The following PIGK variants were observed in gnomAD, a reference collection of about 807,000 sequenced individuals.
PIGK encodes phosphatidylinositol glycan anchor biosynthesis class K.
A neutral mutation model predicts 50.6 loss-of-function variants in PIGK; 42 were observed. The observed-to-expected ratio is 0.83, with a 90% CI of 0.65 to 1.07. PIGK has a LOEUF of 1.07. Ranked by LOEUF, PIGK falls within the 50% of genes least tolerant of loss-of-function variation. The pLI is 0.00. For synonymous variants in PIGK, 151 were observed against 156.0 expected (o/e 0.97, Z 0.24); for missense variants, 448 against 488.7 (o/e 0.92, Z 0.78).
intron 10 of PIGK, among the ~76,000 whole-genome samples, chr1:77,108,813 C>T (rs769036924): frequency 1.3e-5 from 2 of 152,212 alleles, no homozygotes; most frequent in East Asian, 1.9e-4. Flanking sequence ...TTTCTCTAAA[C>T]GTCTCTTCTC....
In PIGK at chr1:77,219,420, T is replaced by C. The variant is rs965993817; in HGVS notation, c.-18A>G. On this transcript the variant is annotated 5_prime_UTR_variant, in exon 1 of 11. Transcript: ENST00000370812. ...ACGGCCATGTTTACCGGCTTCAGACTTCCCGCACCTGAAGGGGCGGAGGCA... is the reference window on the plus strand; with the variant it reads ...ACGGCCATGTTTACCGGCTTCAGACCTCCCGCACCTGAAGGGGCGGAGGCA... The C allele has an allele frequency of 6.2e-7, 1 of 1,606,892 alleles. No individual in the cohort carries two copies. Among genetic ancestry groups the C allele is most frequent in the African/African-American group, 1.3e-5 (1 of 74,728 alleles).
rs192151393 is a variant in PIGK, at chr1:77,117,646, G to A, written c.1071+4629C>T. The stretch of plus-strand genomic sequence containing the variant: ...GTTCTTATAGGGCTCCTGTGTGATG[G>A]AAGTTAGGGCTCAGCTTTTCCACTC... On this transcript the variant is annotated intron_variant, in intron 10 of 10. Coordinates refer to ENST00000370812, the MANE Select transcript of PIGK (RefSeq NM_005482.3). Among the ~76,000 whole-genome samples, 911 of 152,284 alleles carry A rather than the reference G, an allele frequency of 6.0e-3. 12 individuals carry two copies. Among genetic ancestry groups the A allele is most frequent in the Non-Finnish European group, 9.0e-3 (615 of 68,010 alleles).
intron 3 of PIGK, among the ~76,000 whole-genome samples, chr1:77,180,251 A>G (rs1209513788): frequency 6.6e-6 from 1 of 152,184 alleles, no homozygotes; most frequent in Non-Finnish European, 1.5e-5. Context: ...AACACAGCAT[A>G]CATAATATGA....
intron 9 of PIGK, among the ~76,000 whole-genome samples, chr1:77,123,845 T>A (rs1329936899): frequency 6.6e-6 from 1 of 152,092 alleles, no homozygotes; most frequent in Non-Finnish European, 1.5e-5. Context: ...ACTCCAAAAT[T>A]CACATTTTGA....
intron 1 of PIGK, among the ~76,000 whole-genome samples, chr1:77,218,736 G>GAGC (rs560278956): frequency 3.2e-4 from 49 of 152,080 alleles, no homozygotes; most frequent in Non-Finnish European, 5.7e-4. Context: ...AAGCATTATA[G>GAGC]AGCACCAGAA....
At chr1:77,163,557 C>T (rs1655172777) in intron 6 of PIGK, among the ~76,000 whole-genome samples, 1 of 151,964 alleles carries the variant, frequency 6.6e-6, no homozygotes, top group East Asian at 1.9e-4. Context: ...TTCATAATCT[C>T]CATAATAATA....
chr1:77,178,094 T>C (rs1028947864), intron 3 of PIGK, among the ~76,000 whole-genome samples: 1 of 152,220 alleles, frequency 6.6e-6, no homozygotes, highest in African/African-American at 2.4e-5. Flanking sequence ...GTGTGCACTT[T>C]GGGTATACTT....
chr1:77,172,070 AT>A (rs34115617), intron 3 of PIGK, among the ~76,000 whole-genome samples: 18,022 of 130,858 alleles, frequency 0.14, 1,370 homozygotes, highest in African/African-American at 0.3. Context: ...TCTACATTTA[AT>A]TTTTTTTTTT....
At chr1:77,158,439 G>A (rs1038256528) in intron 8 of PIGK, among the ~76,000 whole-genome samples, 12 of 152,174 alleles carry the variant, frequency 7.9e-5, no homozygotes, top group Non-Finnish European at 1.5e-4. Flanking sequence ...TAAGATACCC[G>A]AAAATGTGGA....
chr1:77,138,867 T>C (rs1366407913), intron 9 of PIGK, among the ~76,000 whole-genome samples: 7 of 152,156 alleles, frequency 4.6e-5, no homozygotes, highest in Non-Finnish European at 1.0e-4. Context: ...CAACTTTAAA[T>C]TTCTTGGGCC....
intron 9 of PIGK, among the ~76,000 whole-genome samples, chr1:77,128,274 G>GA (rs1306524359): frequency 6.6e-6 from 1 of 152,132 alleles, no homozygotes; most frequent in East Asian, 1.9e-4. Flanking sequence ...GTAAGCCAGG[G>GA]AAAAAAGACA....
intron 9 of PIGK, among the ~76,000 whole-genome samples, chr1:77,143,435 G>A (rs988824188): frequency 1.3e-5 from 2 of 151,724 alleles, no homozygotes; most frequent in Admixed American, 1.3e-4. Context: ...ACCCAAAATT[G>A]ATATCCAACA....
intron 1 of PIGK, among the ~76,000 whole-genome samples, chr1:77,211,355 G>A (rs1006452551): frequency 6.6e-6 from 1 of 151,742 alleles, no homozygotes; most frequent in Non-Finnish European, 1.5e-5. Flanking sequence ...ATGGTTGATA[G>A]GTTCAGAATA....
At chr1:77,196,726 C>G (rs1432371893) in intron 3 of PIGK, among the ~76,000 whole-genome samples, 1 of 152,032 alleles carries the variant, frequency 6.6e-6, no homozygotes, top group Admixed American at 6.5e-5. Flanking sequence ...AGACCTTTAT[C>G]AGATGCACAG....
chr1:77,213,730 C>T (rs1656478931), intron 1 of PIGK, among the ~76,000 whole-genome samples: 1 of 151,340 alleles, frequency 6.6e-6, no homozygotes, highest in African/African-American at 2.4e-5. Flanking sequence ...TTAAAAAATA[C>T]AAAAAAAGTC....
At position 77,092,413 on chromosome 1, in the gene PIGK, G is replaced by A; in HGVS notation, c.1149C>T (p.Phe383=). 1 of 1,603,600 alleles carries A rather than the reference G, an allele frequency of 6.2e-7. No homozygotes were observed. The highest frequency in any genetic ancestry group is 2.2e-5 in the East Asian group (1 of 44,594). ...TCATATGCTTAATTCCATAAGTTTT[G>A]AAGAAAACCATGATAATAAGTGCCC... ...GLWALIIMVF[F]KTYGIKHMKF... is the part of the protein sequence containing the mutation. The change falls in exon 11 of 11, where the codon TTC becomes TTT. Residue 383 remains phenylalanine (F), a synonymous_variant. Transcript: ENST00000370812.
chr1:77,148,600 C>T (rs137981511), intron 9 of PIGK, among the ~76,000 whole-genome samples: 167 of 152,136 alleles, frequency 1.1e-3, no homozygotes, highest in African/African-American at 3.5e-3. Context: ...CAAATTGTGA[C>T]ATCAAAAATT....
chr1:77,188,078 A>G (rs1205288805), intron 3 of PIGK, among the ~76,000 whole-genome samples: 1 of 152,194 alleles, frequency 6.6e-6, no homozygotes, highest in Admixed American at 6.5e-5. Context: ...CATTAACTGC[A>G]CAAATTGTAC....
chr1:77,118,365 G>A (rs1654024523), intron 10 of PIGK, among the ~76,000 whole-genome samples: 2 of 151,930 alleles, frequency 1.3e-5, no homozygotes, highest in South Asian at 4.2e-4. Flanking sequence ...TCATCCTCCT[G>A]AGTAGCTATG....
Sources: allele counts gnomAD v4.1 joint callset (sites outside exome capture counted in the v4.1 genomes callset), GRCh38; gene constraint gnomAD v4.1.1; transcripts MANE v1.5; gene names NCBI Gene and HGNC (gene_info 2026-07-23, HGNC 2026-07-21).